TBC1D5: variants seen among roughly 807,000 people sequenced by gnomAD.
TBC1D5 encodes the protein TBC1 domain family member 5.
A neutral mutation model predicts 100.3 loss-of-function variants in TBC1D5; 75 were observed. The observed-to-expected ratio is 0.75, with a 90% confidence interval of 0.62 to 0.91. The LOEUF is 0.91. Ranked by LOEUF, TBC1D5 falls within the 40% of genes least tolerant of loss-of-function variation. The pLI is 0.00. For missense variants in TBC1D5, 910 were observed against 942.4 expected, an observed-to-expected ratio of 0.97 and a Z score of 0.45; for synonymous variants, 323 against 325.6, an observed-to-expected ratio of 0.99 and a Z score of 0.09.
At chr3:17,358,446 A>C (rs934538855) in intron 13 of TBC1D5, among the ~76,000 whole-genome samples, 2 of 152,152 alleles carry the variant, frequency 1.3e-5, no homozygotes, top group African/African-American at 4.8e-5. Flanking sequence ...TCGGCCTCCC[A>C]AAGTGCTGGG....
intron 13 of TBC1D5, among the ~76,000 whole-genome samples, chr3:17,346,015 C>G (rs1026229847): frequency 3.3e-5 from 5 of 152,044 alleles, no homozygotes; most frequent in Admixed American, 2.0e-4. Context: ...CACATGTATA[C>G]ATATGTAACT....
chr3:17,544,158 G>C (rs575935865), intron 2 of TBC1D5, among the ~76,000 whole-genome samples: 2 of 152,094 alleles, frequency 1.3e-5, no homozygotes, highest in African/African-American at 4.8e-5. Flanking sequence ...GTGGGCCACT[G>C]CACCTGGCCC....
exon 1 of TBC1D5, chr3:17,740,469 C>A (rs532591353): frequency 6.6e-6 from 1 of 152,006 alleles, no homozygotes; most frequent in Non-Finnish European, 1.5e-5. Context: ...TAAAAACTTC[C>A]ACAAAGTTAT....
chr3:17,571,324 TG>T (rs1334261798), intron 2 of TBC1D5, among the ~76,000 whole-genome samples: 3 of 152,048 alleles, frequency 2.0e-5, no homozygotes, highest in Non-Finnish European at 4.4e-5. Flanking sequence ...TGTCATTTTG[TG>T]CTGCTAACAT....
chr3:17,607,145 C>T (rs2061378311), intron 2 of TBC1D5, among the ~76,000 whole-genome samples: 1 of 151,972 alleles, frequency 6.6e-6, no homozygotes, highest in East Asian at 1.9e-4. Flanking sequence ...GACCATTTAC[C>T]AAAAATAATT....
At chr3:17,435,808 A>G (rs1017403247) in intron 3 of TBC1D5, among the ~76,000 whole-genome samples, 1 of 152,230 alleles carries the variant, frequency 6.6e-6, no homozygotes, top group Admixed American at 6.5e-5. Flanking sequence ...AAAAGCATCC[A>G]TGTGTATTGG....
chr3:17,407,714 TCCGTA>T (rs1372012714), intron 4 of TBC1D5, among the ~76,000 whole-genome samples: 10 of 152,226 alleles, frequency 6.6e-5, no homozygotes, highest in Non-Finnish European at 1.2e-4. Context: ...AATGACACAT[TCCGTA>T]CTGCCACCAG....
At chr3:17,693,893 A>T (rs912734174) in intron 1 of TBC1D5, among the ~76,000 whole-genome samples, 2 of 152,190 alleles carry the variant, frequency 1.3e-5, no homozygotes, top group Non-Finnish European at 2.9e-5. Context: ...AGGAAGGATC[A>T]GGCAGGTTCT....
chr3:17,565,741 C>T (rs1269398057), intron 2 of TBC1D5, among the ~76,000 whole-genome samples: 1 of 151,982 alleles, frequency 6.6e-6, no homozygotes, highest in Non-Finnish European at 1.5e-5. Flanking sequence ...TTTTAGTGTT[C>T]TTCTTTTGAA....
chr3:17,267,675 C>T (rs1036099644), intron 15 of TBC1D5, among the ~76,000 whole-genome samples: 10 of 152,022 alleles, frequency 6.6e-5, no homozygotes. Flanking sequence ...AGAATAAGTC[C>T]TTGGACTGAG....
At chr3:17,471,501 G>A (rs918637124) in intron 3 of TBC1D5, among the ~76,000 whole-genome samples, 2 of 151,946 alleles carry the variant, frequency 1.3e-5, no homozygotes, top group Non-Finnish European at 2.9e-5. Flanking sequence ...CCTGGTATTT[G>A]TAAAAGATGT....
At chr3:17,355,465 C>G (rs879901991) in intron 13 of TBC1D5, among the ~76,000 whole-genome samples, 3 of 152,096 alleles carry the variant, frequency 2.0e-5, no homozygotes, top group Non-Finnish European at 2.9e-5. Flanking sequence ...ACAGCCATCT[C>G]AGCCTGGATT....
chr3:17,299,730 G>A (rs925854768), intron 14 of TBC1D5, among the ~76,000 whole-genome samples: 1 of 151,912 alleles, frequency 6.6e-6, no homozygotes, highest in African/African-American at 2.4e-5. Flanking sequence ...GTGGTGGCGG[G>A]CGCCTGTAGT....
At chr3:17,318,555 C>T in intron 13 of TBC1D5, among the ~76,000 whole-genome samples, 1 of 152,012 alleles carries the variant, frequency 6.6e-6, no homozygotes, top group Non-Finnish European at 1.5e-5. Context: ...TAATCATTGA[C>T]CCAAAGAAGC....
chr3:17,689,506 G>A (rs9812464), intron 1 of TBC1D5, among the ~76,000 whole-genome samples: 2,678 of 140,036 alleles, frequency 0.019, 80 homozygotes, highest in African/African-American at 0.065. Flanking sequence ...GCGACAGAGT[G>A]AGACCCTGTC....
At chr3:17,480,057 G>C (rs898188067) in intron 3 of TBC1D5, among the ~76,000 whole-genome samples, 5 of 152,204 alleles carry the variant, frequency 3.3e-5, no homozygotes, top group Admixed American at 1.3e-4. Context: ...TCCGCTCTCT[G>C]GAGTGAAGCA....
Position 17,690,426 on chromosome 3 carries a change from C to T in TBC1D5, c.-101+48917G>A, listed in dbSNP as rs374656258. ...AGAGACGGGGTTTCACCGTTTTAGC[C>T]GGGATGGTCTCGATCTCCTGACCTC... On this transcript the variant is annotated intron_variant, in intron 1 of 21. Coordinates refer to ENST00000253692, the Ensembl canonical transcript of TBC1D5. 6.6e-3 allele frequency among the ~76,000 whole-genome samples: 270 copies of T among 41,062 alleles called. 88 individuals carry two copies. The highest frequency in any genetic ancestry group is 0.011 in the Non-Finnish European group (210 of 19,638). 26.9% of individuals were successfully genotyped at this position (41,062 alleles called of 152,430 possible). A position where few individuals can be genotyped will look rare whatever the true frequency, so the allele number is the denominator to read the frequency against.
At chr3:17,399,652 G>T (rs200036496) in intron 8 of TBC1D5, among the ~76,000 whole-genome samples, 1 of 152,022 alleles carries the variant, frequency 6.6e-6, no homozygotes, top group East Asian at 1.9e-4. Flanking sequence ...TCATGCCACT[G>T]CTCAATGTCC....
At chr3:17,472,129 AAGG>A (rs1393149103) in intron 3 of TBC1D5, among the ~76,000 whole-genome samples, 1 of 151,660 alleles carries the variant, frequency 6.6e-6, no homozygotes, top group Non-Finnish European at 1.5e-5. Flanking sequence ...GGTTTTATGA[AAGG>A]AGTTTTTTTT....
Sources: gnomAD v4.1 joint callset for allele counts (sites outside exome capture counted in the v4.1 genomes callset) on GRCh38, gnomAD v4.1.1 for gene constraint, MANE v1.5 for transcripts, NCBI Gene and HGNC (gene_info 2026-07-23, HGNC 2026-07-21) for gene names.